ZNF521: variants seen among roughly 807,000 people sequenced by gnomAD.
The protein encoded by ZNF521 is zinc finger protein 521, also known as LYST-interacting protein 3.
ZNF521 carries 14 observed loss-of-function variants against 105.5 expected under a neutral mutation model. The observed-to-expected ratio is 0.13, with a 90% CI of 0.09 to 0.21. ZNF521 has a LOEUF of 0.21. ZNF521 is among the 10% of genes least tolerant of loss of function. ZNF521 has a pLI of 1.00. For missense variants in ZNF521, 1,233 were observed against 1,629.7 expected, an observed-to-expected ratio of 0.76 and a Z score of 4.19; for synonymous variants, 635 against 606.0, an observed-to-expected ratio of 1.05 and a Z score of -0.70.
rs1258223855 is a variant in ZNF521 at position 25,088,302 on chromosome 18, G to A, written c.3906+1163C>T. On this transcript the variant is annotated intron_variant, in intron 7 of 7. Transcript: ENST00000361524. ...GTGATCTCGGCTCACCGCAAGCTCC[G>A]CCTCCCGGGTTCATGCCATTCTCCT... Among the ~76,000 whole-genome samples, 5 of 148,064 alleles carry A rather than the reference G, an allele frequency of 3.4e-5. No homozygotes were observed. In the East Asian group the frequency reaches 1.0e-3, roughly 30 times the overall value.
At chr18:25,299,168 C>T (rs1228209472) in intron 3 of ZNF521, among the ~76,000 whole-genome samples, 1 of 152,246 alleles carries the variant, frequency 6.6e-6, no homozygotes, top group Non-Finnish European at 1.5e-5. Context: ...GAAAAGTCAG[C>T]TTTCCTTTGC....
Position 25,309,873 on chromosome 18 carries a change from G to A in ZNF521, c.220+12135C>T, listed in dbSNP as rs1174251001. Among the ~76,000 whole-genome samples the A allele has an allele frequency of 3.3e-5, 5 of 151,954 alleles. No individual in the cohort carries two copies. In the East Asian group the frequency reaches 9.6e-4, roughly 29 times the overall value. On this transcript the variant is annotated intron_variant, in intron 3 of 7. Transcript: ENST00000361524. ...AATTAAATGGAAAAATGTTTTGTTGGCACAACCAAAAAAATATATCTTAGT... is the reference window on the plus strand; with the variant it reads ...AATTAAATGGAAAAATGTTTTGTTGACACAACCAAAAAAATATATCTTAGT...
intron 5 of ZNF521, among the ~76,000 whole-genome samples, chr18:25,150,748 C>A (rs908175505): frequency 6.6e-6 from 1 of 151,832 alleles, no homozygotes; most frequent in African/African-American, 2.4e-5. Context: ...TTCTAAATTC[C>A]ATTTCTTCTC....
intron 5 of ZNF521, among the ~76,000 whole-genome samples, chr18:25,156,300 G>A (rs746066445): frequency 6.6e-6 from 1 of 152,184 alleles, no homozygotes; most frequent in Non-Finnish European, 1.5e-5. Context: ...GCCAAATTGA[G>A]AGTCCAGTTC....
intron 5 of ZNF521, among the ~76,000 whole-genome samples, chr18:25,113,761 G>GACGGAC (rs35914509): frequency 4.2e-4 from 43 of 101,594 alleles, no homozygotes; most frequent in Middle Eastern, 4.8e-3. Flanking sequence ...AGGACGGACG[G>GACGGAC]ACACACACAC....
Position 25,299,132 on chromosome 18 carries a change from G to C in ZNF521, c.220+22876C>G, listed in dbSNP as rs147475769. Among the ~76,000 whole-genome samples, 9 of 152,330 alleles carry C rather than the reference G, an allele frequency of 5.9e-5. No individual in the cohort carries two copies. In the East Asian group the frequency reaches 1.7e-3, roughly 29 times the overall value. On this transcript the variant is annotated intron_variant, in intron 3 of 7. Transcript: ENST00000361524. ...CCCCATGTATAAACATCTTGATGCA[G>C]AAGGAAACTGACTCATCCCTATCAG...
chr18:25,208,687 G>T (rs529901910), intron 4 of ZNF521, among the ~76,000 whole-genome samples: 1 of 151,976 alleles, frequency 6.6e-6, no homozygotes, highest in Admixed American at 6.5e-5. Context: ...AATAGCTTTT[G>T]CAATATTATT....
At chr18:25,195,029 A>T in intron 5 of ZNF521, 131 bp downstream of exon 5, 2 of 746,380 alleles carry the variant, frequency 2.7e-6, no homozygotes, top group Non-Finnish European at 4.2e-6. Flanking sequence ...ACAGAAATTA[A>T]AAAAAAAATC....
In ZNF521 at chr18:25,303,539, G is replaced by T. The variant is rs184344896; in HGVS notation, c.220+18469C>A. On this transcript the variant is annotated intron_variant, in intron 3 of 7. Coordinates refer to ENST00000361524, the MANE Select transcript of ZNF521 (RefSeq NM_015461.3). ...TCTCGAACTCCTGATCTCATGATCTGCCCGTCTCGGCCTCCCAAAGTGCTG... is the reference window on the plus strand; with the variant it reads ...TCTCGAACTCCTGATCTCATGATCTTCCCGTCTCGGCCTCCCAAAGTGCTG... Among the ~76,000 whole-genome samples, 155 of 152,132 alleles carry T rather than the reference G, an allele frequency of 1.0e-3. 1 individual carries two copies. The East Asian group carries it at 0.016, about 16-fold the overall frequency.
chr18:25,245,567 T>A (rs1011446283), intron 3 of ZNF521, among the ~76,000 whole-genome samples: 2 of 152,214 alleles, frequency 1.3e-5, no homozygotes, highest in African/African-American at 4.8e-5. Context: ...GTATTCAAGT[T>A]TATTCATTCA....
chr18:25,295,602 G>A (rs1344953460), intron 3 of ZNF521, among the ~76,000 whole-genome samples: 1 of 139,558 alleles, frequency 7.2e-6, no homozygotes, highest in Non-Finnish European at 1.6e-5. Flanking sequence ...CACCTACTAT[G>A]TACCCAAAAA....
intron 2 of ZNF521, among the ~76,000 whole-genome samples, chr18:25,338,379 T>G (rs889696246): frequency 6.6e-5 from 10 of 151,822 alleles, no homozygotes; most frequent in African/African-American, 2.4e-4. Context: ...AGTAGACATA[T>G]TACTGTTTTC....
At chr18:25,090,302 T>C (rs1020958039) in intron 6 of ZNF521, among the ~76,000 whole-genome samples, 1 of 152,190 alleles carries the variant, frequency 6.6e-6, no homozygotes, top group African/African-American at 2.4e-5. Context: ...CTAAAAAAGT[T>C]TGCATCTACA....
chr18:25,339,444 A>G lies in ZNF521; in HGVS notation c.40+11463T>C, dbSNP rs572042227. On this transcript the variant is annotated intron_variant, in intron 2 of 7. Coordinates refer to ENST00000361524, the MANE Select transcript of ZNF521 (RefSeq NM_015461.3). ...ACTGATATCGCTGTTAAATAGTCTC[A>G]TTAACATCGGTGCTGTCCCTTCACA... Among the ~76,000 whole-genome samples, 3 of 152,334 alleles carry G rather than the reference A, an allele frequency of 2.0e-5. No homozygotes were observed. In the East Asian group the frequency reaches 5.8e-4, roughly 29 times the overall value.
At chr18:25,189,545 C>T (rs1385721955) in intron 5 of ZNF521, among the ~76,000 whole-genome samples, 1 of 152,218 alleles carries the variant, frequency 6.6e-6, no homozygotes, top group Non-Finnish European at 1.5e-5. Context: ...TACCAGGCCA[C>T]AGGCTCCATC....
chr18:25,290,599 G>A (rs915457016), intron 3 of ZNF521, among the ~76,000 whole-genome samples: 1 of 149,608 alleles, frequency 6.7e-6, no homozygotes, highest in Non-Finnish European at 1.5e-5. Context: ...TGCACAGTAG[G>A]CCATATTCTT....
intron 4 of ZNF521, among the ~76,000 whole-genome samples, chr18:25,219,237 G>A (rs1280739356): frequency 2.0e-5 from 3 of 152,120 alleles, no homozygotes; most frequent in South Asian, 2.1e-4. Flanking sequence ...ATTTTTGACC[G>A]AGTGAGGGGT....
chr18:25,101,392 A>G (rs2033963371), intron 5 of ZNF521, among the ~76,000 whole-genome samples: 1 of 152,160 alleles, frequency 6.6e-6, no homozygotes, highest in Admixed American at 6.5e-5. Context: ...CTGATCATTT[A>G]CAGAATGAGG....
intron 3 of ZNF521, among the ~76,000 whole-genome samples, chr18:25,293,349 CAT>C (rs1427682614): frequency 1.6e-5 from 2 of 123,264 alleles, no homozygotes; most frequent in Non-Finnish European, 3.5e-5. Context: ...CACATGTACA[CAT>C]ACACACACAC....
Sources: gnomAD v4.1 joint callset for allele counts (sites outside exome capture counted in the v4.1 genomes callset) on GRCh38, gnomAD v4.1.1 for gene constraint, MANE v1.5 for transcripts, NCBI Gene and HGNC (gene_info 2026-07-23, HGNC 2026-07-21) for gene names.